The following TPH2 variants were observed in gnomAD, a reference collection of about 807,000 sequenced individuals.
TPH2 encodes tryptophan 5-hydroxylase 2.
In TPH2, 27 loss-of-function variants were observed where a neutral mutation model predicts 59.1. That is an observed-to-expected ratio of 0.46 (90% CI 0.34 to 0.63). The LOEUF (loss-of-function observed/expected upper bound fraction) is 0.63. Among genes scored for constraint, TPH2 ranks in the 30% least tolerant of loss-of-function variants. The probability of loss-of-function intolerance (pLI) is 0.01; values close to 1 mark genes in which losing one functional copy is unlikely to be tolerated. For missense variants in TPH2, 523 were observed against 588.3 expected (o/e 0.89, Z 1.15); for synonymous variants, 220 against 210.5 (o/e 1.05, Z -0.39).
intron 8 of TPH2, among the ~76,000 whole-genome samples, chr12:71,995,691 G>T (rs1448227232): frequency 6.6e-6 from 1 of 152,164 alleles, no homozygotes; most frequent in East Asian, 1.9e-4. Flanking sequence ...GACAAGGACA[G>T]CATGTCTCTT....
At chr12:71,972,409 T>C (rs1377327039) in intron 5 of TPH2, 110 bp from the exon 6 acceptor site, 1 of 1,020,512 alleles carries the variant, frequency 9.8e-7, no homozygotes, top group Non-Finnish European at 1.6e-6. Flanking sequence ...TTTCAGACGC[T>C]CATGTGCTCC....
intron 8 of TPH2, among the ~76,000 whole-genome samples, chr12:72,001,006 T>C (rs1204716074): frequency 6.6e-6 from 1 of 152,242 alleles, no homozygotes; most frequent in Non-Finnish European, 1.5e-5. Flanking sequence ...ATGATGCAGA[T>C]GGCTTCAATT....
At chr12:71,976,985 G>A (rs1872136991) in intron 6 of TPH2, among the ~76,000 whole-genome samples, 1 of 152,186 alleles carries the variant, frequency 6.6e-6, no homozygotes, top group Admixed American at 6.5e-5. Flanking sequence ...TGGAGTAAGT[G>A]GGGAGATATT....
At position 72,014,479 on chromosome 12, in the gene TPH2, C is replaced by T. The variant is rs530253509; in HGVS notation, c.1069-7920C>T. 2.6e-5 allele frequency among the ~76,000 whole-genome samples: 4 copies of T among 151,622 alleles called. No individual in the cohort carries two copies. In the East Asian group the frequency reaches 7.7e-4, roughly 29 times the overall value. ...GATCTCGGCTCACTGCAACCTCCGC[C>T]TCCCTGTTTCAAGTGATTCTCCTGC... On this transcript the variant is annotated intron_variant, in intron 8 of 10. Coordinates refer to ENST00000333850, the MANE Select transcript of TPH2 (RefSeq NM_173353.4).
chr12:71,981,045 C>G (rs1402656744), intron 7 of TPH2, among the ~76,000 whole-genome samples: 1 of 152,110 alleles, frequency 6.6e-6, no homozygotes, highest in Non-Finnish European at 1.5e-5. Context: ...TGCTGGAGAG[C>G]ACAGAGGAAG....
intron 7 of TPH2, among the ~76,000 whole-genome samples, chr12:71,982,502 A>C (rs1040648263): frequency 6.6e-6 from 1 of 152,150 alleles, no homozygotes; most frequent in African/African-American, 2.4e-5. Context: ...ATTCTCTGTA[A>C]AGATCTTTTT....
intron 5 of TPH2, among the ~76,000 whole-genome samples, chr12:71,951,700 G>A (rs1253396270): frequency 1.5e-5 from 2 of 133,924 alleles, no homozygotes; most frequent in African/African-American, 2.8e-5. Context: ...GTGTGTGTGT[G>A]CATGTGTGTG....
chr12:71,965,795 C>T (rs1020410867), intron 5 of TPH2, among the ~76,000 whole-genome samples: 30 of 152,248 alleles, frequency 2.0e-4, no homozygotes, highest in Non-Finnish European at 3.5e-4. Flanking sequence ...CCTTTTGCTG[C>T]GCAGAAGCAG....
At chr12:72,013,547 A>T (rs1438375511) in intron 8 of TPH2, among the ~76,000 whole-genome samples, 1 of 152,034 alleles carries the variant, frequency 6.6e-6, no homozygotes, top group Admixed American at 6.5e-5. Context: ...CTAAGATCCC[A>T]TTTCTCCTTC....
At position 71,972,583 on chromosome 12, in the gene TPH2, C is replaced by T. The variant is rs1386735125; in HGVS notation, c.673C>T (p.Arg225Trp). The change falls in exon 6 of 11, where the codon CGG (arginine) becomes TGG (tryptophan). Residue 225 changes from arginine (R) to tryptophan (W), a missense_variant. Physicochemically the swap from Arg to Trp is moderately radical, Grantham distance 101. Coordinates refer to ENST00000333850, the MANE Select transcript of TPH2 (RefSeq NM_173353.4). ...AACTAAAACTTGGGGTGTTGTATTC[C>T]GGGAGCTCTCCAAACTCTATCCCAC... ...EETKTWGVVF[R>W]ELSKLYPTHA... 5.0e-6 allele frequency: 8 copies of T among 1,614,044 alleles called. No homozygotes were observed. Among genetic ancestry groups the T allele is most frequent in the Non-Finnish European group, 6.8e-6 (8 of 1,180,008 alleles).
chr12:72,024,472 T>C (rs909502319), intron 9 of TPH2, among the ~76,000 whole-genome samples: 3 of 152,242 alleles, frequency 2.0e-5, no homozygotes, highest in African/African-American at 7.2e-5. Flanking sequence ...ACAAAGAATC[T>C]ATTTGGTGTT....
chr12:72,029,281 C>T (rs541070112), intron 9 of TPH2, among the ~76,000 whole-genome samples: 102 of 152,322 alleles, frequency 6.7e-4, no homozygotes, highest in African/African-American at 2.2e-3. Context: ...TGCTACCACT[C>T]TGGCCATGAC....
chr12:71,959,034 T>C (rs574413742), intron 5 of TPH2, among the ~76,000 whole-genome samples: 17 of 150,108 alleles, frequency 1.1e-4, no homozygotes, highest in African/African-American at 3.7e-4. Context: ...GATTCTAACC[T>C]TCTATTCTCA....
chr12:71,941,791 C>T lies in TPH2; in HGVS notation c.255+58C>T, dbSNP rs1366081052. 6.0e-6 allele frequency: 9 copies of T among 1,502,596 alleles called. No individual in the cohort carries two copies. The African/African-American group carries it at 9.6e-5, about 16-fold the overall frequency. 93.1% of individuals were successfully genotyped at this position (1,502,596 alleles called of 1,614,324 possible). Reference sequence around the variant, plus strand: ...AGTGACCGTGTGCCTGGGTACAAACCTGTTATCTGCTATGAAACATTACTG... The same window carrying T: ...AGTGACCGTGTGCCTGGGTACAAACTTGTTATCTGCTATGAAACATTACTG... On this transcript the variant is annotated intron_variant, in intron 2 of 10. Coordinates refer to ENST00000333850, the MANE Select transcript of TPH2 (RefSeq NM_173353.4).
rs1872723410 is a variant in TPH2 at position 71,997,501 on chromosome 12, A to C, written c.1068+2936A>C. ...AGGCCAACAAATTTGTAGGATGAGT[A>C]AGTTTTCTTTAGGAGCTTGCATTCC... On this transcript the variant is annotated intron_variant, in intron 8 of 10. Coordinates refer to ENST00000333850, the MANE Select transcript of TPH2 (RefSeq NM_173353.4). Among the ~76,000 whole-genome samples, 4 of 152,216 alleles carry C rather than the reference A, an allele frequency of 2.6e-5. No individual in the cohort carries two copies. The South Asian group carries it at 8.3e-4, about 32-fold the overall frequency.
chr12:72,024,271 A>G (rs554579940), intron 9 of TPH2, among the ~76,000 whole-genome samples: 1 of 152,218 alleles, frequency 6.6e-6, no homozygotes, highest in Non-Finnish European at 1.5e-5. Flanking sequence ...GGAAAGGGTA[A>G]ATAAGGAAAG....
intron 8 of TPH2, among the ~76,000 whole-genome samples, chr12:72,005,502 A>G (rs1242420668): frequency 3.9e-5 from 6 of 152,218 alleles, no homozygotes; most frequent in Non-Finnish European, 8.8e-5. Context: ...ATAGTCTTCT[A>G]GCTTTTCTGA....
At chr12:71,989,334 G>A (rs1330816956) in intron 7 of TPH2, among the ~76,000 whole-genome samples, 1 of 152,210 alleles carries the variant, frequency 6.6e-6, no homozygotes, top group African/African-American at 2.4e-5. Context: ...AGCAAACTAA[G>A]TCACCTGTCT....
chr12:71,967,398 T>C (rs1871848361), intron 5 of TPH2, among the ~76,000 whole-genome samples: 1 of 152,240 alleles, frequency 6.6e-6, no homozygotes, highest in African/African-American at 2.4e-5. Context: ...TTTCCCTGTT[T>C]TCAAGTTGAC....
Sources: allele counts gnomAD v4.1 joint callset (sites outside exome capture counted in the v4.1 genomes callset), GRCh38; gene constraint gnomAD v4.1.1; transcripts MANE v1.5; gene names NCBI Gene and HGNC (gene_info 2026-07-23, HGNC 2026-07-21).